Variants in CSMD1 observed in about 807,000 individuals in gnomAD.
CSMD1 encodes the protein CUB and Sushi multiple domains 1.
In CSMD1, 213 loss-of-function variants were observed where a neutral mutation model predicts 417.5. That is an observed-to-expected ratio of 0.51 (90% CI 0.46 to 0.57). The LOEUF is 0.57. Among genes scored for constraint, CSMD1 ranks in the 20% least tolerant of loss-of-function variants. CSMD1 has a pLI of 0.00. For synonymous variants in CSMD1, 2,862 were observed against 1,736.8 expected, an observed-to-expected ratio of 1.65 and a Z score of -16.11; for missense variants, 6,923 against 4,529.7, an observed-to-expected ratio of 1.53 and a Z score of -15.17.
intron 10 of CSMD1, among the ~76,000 whole-genome samples, chr8:3,500,763 G>C (rs1317010288): frequency 1.3e-5 from 2 of 152,150 alleles, no homozygotes; most frequent in Non-Finnish European, 2.9e-5. Flanking sequence ...GATAACCATG[G>C]CAAGAAAGAA....
intron 6 of CSMD1, among the ~76,000 whole-genome samples, chr8:3,725,050 G>C (rs1034397651): frequency 6.6e-6 from 1 of 152,160 alleles, no homozygotes; most frequent in African/African-American, 2.4e-5. Flanking sequence ...CTCTCCAGAC[G>C]ACTAGAGGAG....
rs182960671 is a variant in CSMD1 at position 3,458,072 on chromosome 8, T to C, written c.1561+10640A>G. Among the ~76,000 whole-genome samples, 887 of 152,346 alleles carry C rather than the reference T, an allele frequency of 5.8e-3. 9 individuals are homozygous for C. Among genetic ancestry groups the C allele is most frequent in the Non-Finnish European group, 0.01 (694 of 68,038 alleles). The stretch of plus-strand genomic sequence containing the variant: ...ACTAAAATACAGATTGGAGAACGTC[T>C]CCCAGGAAGTTTGCTCTAACGTGAG... On this transcript the variant is annotated intron_variant, in intron 12 of 69. Coordinates refer to ENST00000635120, the MANE Select transcript of CSMD1 (RefSeq NM_033225.6).
chr8:4,188,210 C>T (rs376980732), intron 3 of CSMD1, among the ~76,000 whole-genome samples: 6 of 152,100 alleles, frequency 3.9e-5, no homozygotes, highest in African/African-American at 1.4e-4. Context: ...GACAATTTTA[C>T]ATGATGTAAA....
At chr8:4,153,106 C>T (rs1339747941) in intron 3 of CSMD1, among the ~76,000 whole-genome samples, 2 of 152,104 alleles carry the variant, frequency 1.3e-5, no homozygotes, top group South Asian at 2.1e-4. Context: ...TTAATGTAGC[C>T]GTAAAGGAAA....
intron 51 of CSMD1, among the ~76,000 whole-genome samples, chr8:3,025,239 CGTGTATTGTGTGGTGTTATTCTGAAACT>C (rs1809780163): frequency 1.4e-5 from 1 of 69,426 alleles, no homozygotes; most frequent in African/African-American, 5.5e-5. Context: ...ATTCTGATAC[CGTGTATTGTGTGGTGTTATTCTGAAACT>C]GTGTATTGTG....
chr8:3,520,039 T>TATATATATATATATATATACACACACAC (rs545212684), intron 10 of CSMD1, among the ~76,000 whole-genome samples: 3 of 147,110 alleles, frequency 2.0e-5, no homozygotes, highest in African/African-American at 7.8e-5. Context: ...TATATATATA[T>TATATATATATATATATATACACACACAC]ACACGTATAG....
chr8:4,292,344 C>G (rs1482716221), intron 3 of CSMD1, among the ~76,000 whole-genome samples: 2 of 152,076 alleles, frequency 1.3e-5, no homozygotes. Context: ...CCTCTGCCTC[C>G]GGGGTTCACG....
chr8:4,108,906 A>G (rs978512478), intron 3 of CSMD1, among the ~76,000 whole-genome samples: 1 of 152,178 alleles, frequency 6.6e-6, no homozygotes, highest in Non-Finnish European at 1.5e-5. Flanking sequence ...GAAATCATTT[A>G]AAAAACTGTG....
chr8:3,907,352 CAAAT>C (rs767691622), intron 5 of CSMD1, among the ~76,000 whole-genome samples: 5 of 152,062 alleles, frequency 3.3e-5, no homozygotes, highest in South Asian at 2.1e-4. Flanking sequence ...TTAGAAAAAA[CAAAT>C]AAGTTCAATC....
intron 1 of CSMD1, among the ~76,000 whole-genome samples, chr8:4,935,374 C>G (rs1274510188): frequency 6.6e-6 from 1 of 152,200 alleles, no homozygotes; most frequent in Non-Finnish European, 1.5e-5. Flanking sequence ...ATCCTTACCT[C>G]CTGCACATGC....
rs115487175 is a variant in CSMD1, at chr8:3,867,883, A to C, written c.819-113841T>G. Reference sequence around the variant, plus strand: ...TGGACCACTGGCCAGATCTTCCTGAACCGTTCCCAAGACTCTGTGTCACCT... The same window carrying C: ...TGGACCACTGGCCAGATCTTCCTGACCCGTTCCCAAGACTCTGTGTCACCT... On this transcript the variant is annotated intron_variant, in intron 5 of 69. Coordinates refer to ENST00000635120, the MANE Select transcript of CSMD1 (RefSeq NM_033225.6). Among the ~76,000 whole-genome samples the C allele has an allele frequency of 1.6e-3, 242 of 151,986 alleles. 1 individual carries two copies. The highest frequency in any genetic ancestry group is 5.3e-3 in the African/African-American group (220 of 41,464).
intron 2 of CSMD1, among the ~76,000 whole-genome samples, chr8:4,627,619 C>T (rs1362456633): frequency 6.6e-6 from 1 of 152,032 alleles, no homozygotes; most frequent in Non-Finnish European, 1.5e-5. Context: ...AACTCACTTC[C>T]TTCCTGACAC....
rs181009907 is a variant in CSMD1 at position 4,340,176 on chromosome 8, T to G, written c.415+79777A>C. 5.4e-3 allele frequency among the ~76,000 whole-genome samples: 819 copies of G among 152,224 alleles called. 5 individuals carry two copies. The highest frequency in any genetic ancestry group is 0.02 in the Middle Eastern group (6 of 294). On this transcript the variant is annotated intron_variant, in intron 3 of 69. Transcript: ENST00000635120. Reference sequence around the variant, plus strand: ...GTTCTATTTTCTTGATACCTTTTTTTTCTGATCCAAAAAACTAATGACACC... The same window carrying G: ...GTTCTATTTTCTTGATACCTTTTTTGTCTGATCCAAAAAACTAATGACACC...
intron 1 of CSMD1, among the ~76,000 whole-genome samples, chr8:4,911,474 A>C (rs982149272): frequency 6.6e-6 from 1 of 152,152 alleles, no homozygotes; most frequent in Non-Finnish European, 1.5e-5. Flanking sequence ...GGATGTGATT[A>C]AGGTGTGGGT....
chr8:4,269,089 C>T (rs987107546), intron 3 of CSMD1, among the ~76,000 whole-genome samples: 8 of 152,176 alleles, frequency 5.3e-5, no homozygotes, highest in African/African-American at 1.9e-4. Context: ...CGGAGTCTCA[C>T]TTTGTCGCCC....
chr8:4,968,614 C>T (rs1030177525), intron 1 of CSMD1, among the ~76,000 whole-genome samples: 2 of 152,056 alleles, frequency 1.3e-5, no homozygotes, highest in Non-Finnish European at 2.9e-5. Context: ...AGTTTCTCTC[C>T]CCTCCCTCAG....
At chr8:3,673,648 T>C (rs1563259285) in intron 7 of CSMD1, among the ~76,000 whole-genome samples, 2 of 152,218 alleles carry the variant, frequency 1.3e-5, no homozygotes, top group Non-Finnish European at 2.9e-5. Flanking sequence ...GCAACTTATA[T>C]ATAAAGCATT....
chr8:3,638,670 G>A (rs369818155), intron 7 of CSMD1, among the ~76,000 whole-genome samples: 6 of 152,028 alleles, frequency 3.9e-5, no homozygotes, highest in African/African-American at 1.2e-4. Flanking sequence ...TAGAAAGAAC[G>A]GTTCTGTGGA....
intron 3 of CSMD1, among the ~76,000 whole-genome samples, chr8:4,095,262 T>C (rs13340613): frequency 0.22 from 34,167 of 152,096 alleles, 4,770 homozygotes; most frequent in African/African-American, 0.39. Context: ...AAGAGGTTCC[T>C]CCGAGGAGAT....
Sources: allele counts gnomAD v4.1 joint callset (sites outside exome capture counted in the v4.1 genomes callset), GRCh38; gene constraint gnomAD v4.1.1; transcripts MANE v1.5; gene names NCBI Gene and HGNC (gene_info 2026-07-23, HGNC 2026-07-21).